The following TTLL11 variants were observed in gnomAD, a reference collection of about 807,000 sequenced individuals.
The protein encoded by TTLL11 is tubulin polyglutamylase TTLL11.
In TTLL11, 42 loss-of-function variants were observed where a neutral mutation model predicts 51.7. The ratio of observed to expected loss-of-function variants is 0.81; its 90% CI spans 0.64 to 1.05. The LOEUF is 1.05. Ranked by LOEUF, TTLL11 falls within the 50% of genes least tolerant of loss-of-function variation. The pLI is 0.00. For synonymous variants in TTLL11, 381 were observed against 383.5 expected (o/e 0.99, Z 0.08); for missense variants, 799 against 940.4 (o/e 0.85, Z 1.97).
chr9:121,826,184 C>CTATATATATA (rs1166211047), intron 8 of TTLL11, among the ~76,000 whole-genome samples: 1,856 of 50,848 alleles, frequency 0.037, 102 homozygotes, highest in Admixed American at 0.05. Flanking sequence ...AACCAGTAAC[C>CTATATATATA]TATATATATA....
rs2131709258 is a variant in TTLL11, at chr9:121,995,960, TGCAG to T, written c.694-6194_694-6191del. On this transcript the variant is annotated intron_variant, in intron 3 of 8. Transcript: ENST00000321582. This position sits in a 1 kb window ranked among gnomAD's most constrained non-coding sequence, Gnocchi z 4.4. Reference sequence around the variant, plus strand: ...CCGTGAGAAGTAGTGCCTGCCACTGTGCAGGCAAACATTTTCAGCACTCCCTGGC... The same window carrying T: ...CCGTGAGAAGTAGTGCCTGCCACTGTGCAAACATTTTCAGCACTCCCTGGC... 6.6e-6 allele frequency among the ~76,000 whole-genome samples: 1 copy of T among 152,324 alleles called. No individual in the cohort carries two copies. The highest frequency in any genetic ancestry group is 2.4e-5 in the African/African-American group (1 of 41,574).
rs192768419 is a variant in TTLL11 at position 121,939,491 on chromosome 9, T to C, written c.1481+34518A>G. Among the ~76,000 whole-genome samples, 387 of 152,110 alleles carry C rather than the reference T, an allele frequency of 2.5e-3. 1 individual carries two copies. The highest frequency in any genetic ancestry group is 6.8e-3 in the Middle Eastern group (2 of 294). ...GTCACTTTGTTGCCAAACATACCTA[T>C]GTAGTAAAAGTAAAAGAACATAGTG... On this transcript the variant is annotated intron_variant, in intron 6 of 8. Coordinates refer to ENST00000321582, the MANE Select transcript of TTLL11 (RefSeq NM_001139442.2).
chr9:121,925,221 T>C (rs1588128914), intron 6 of TTLL11, among the ~76,000 whole-genome samples: 1 of 152,202 alleles, frequency 6.6e-6, no homozygotes, highest in African/African-American at 2.4e-5. Flanking sequence ...GGATGTGTGC[T>C]TTTCTCCTAA....
intron 8 of TTLL11, among the ~76,000 whole-genome samples, chr9:121,842,572 C>T (rs147776133): frequency 2.0e-5 from 3 of 152,296 alleles, no homozygotes; most frequent in African/African-American, 7.2e-5. Flanking sequence ...CCCCCTTCTA[C>T]TTTTGAACAC....
intron 6 of TTLL11, among the ~76,000 whole-genome samples, chr9:121,904,946 C>G (rs1839889927): frequency 6.6e-6 from 1 of 152,168 alleles, no homozygotes; most frequent in Admixed American, 6.5e-5. Context: ...GCTCCTTTTG[C>G]CATTTTGGAC....
chr9:121,900,115 G>A (rs1839715680), intron 6 of TTLL11, among the ~76,000 whole-genome samples: 1 of 152,188 alleles, frequency 6.6e-6, no homozygotes, highest in Non-Finnish European at 1.5e-5. Context: ...CATCACACAA[G>A]GGTGTCTCCT....
chr9:121,990,875 G>A (rs1260168403), intron 3 of TTLL11, among the ~76,000 whole-genome samples: 3 of 152,106 alleles, frequency 2.0e-5, no homozygotes, highest in Non-Finnish European at 2.9e-5. Context: ...CCAGATAGTC[G>A]ATCTGGACCT....
At chr9:121,828,815 AGAGGCTGGGTGAGAT>A in intron 8 of TTLL11, among the ~76,000 whole-genome samples, 1 of 152,256 alleles carries the variant, frequency 6.6e-6, no homozygotes, top group Non-Finnish European at 1.5e-5. Context: ...AAAACCTTAC[AGAGGCTGGGTGAGAT>A]GGCTTAACCC....
At chr9:121,987,997 C>T (rs148100465) in intron 4 of TTLL11, among the ~76,000 whole-genome samples, 148 of 152,240 alleles carry the variant, frequency 9.7e-4, no homozygotes, top group Middle Eastern at 3.4e-3. Flanking sequence ...CTTCCCCCAA[C>T]AGCCTGGTCC....
At chr9:121,934,561 G>A (rs989133269) in intron 6 of TTLL11, among the ~76,000 whole-genome samples, 24 of 152,136 alleles carry the variant, frequency 1.6e-4, no homozygotes, top group South Asian at 1.2e-3. Context: ...TGTTTTCCTC[G>A]AAGTGAAAAG....
chr9:121,887,916 C>A lies in TTLL11; in HGVS notation c.1482-17168G>T, dbSNP rs1026940312. On this transcript the variant is annotated intron_variant, in intron 6 of 8. Transcript: ENST00000321582. ...GAACTGCCTGGGGGCCCCCAGGCAA[C>A]CCCAACACCCAGTGGGGGTCTGGAG... is the stretch of plus-strand genomic sequence containing the variant. Among the ~76,000 whole-genome samples, 7 of 152,248 alleles carry A rather than the reference C, an allele frequency of 4.6e-5. No homozygotes were observed. In the East Asian group the frequency reaches 1.4e-3, roughly 30 times the overall value.
chr9:121,968,799 T>A (rs1842480132), intron 6 of TTLL11, among the ~76,000 whole-genome samples: 1 of 151,718 alleles, frequency 6.6e-6, no homozygotes, highest in Non-Finnish European at 1.5e-5. Context: ...GACCTTGTGA[T>A]CTGCTGTTGA....
chr9:121,870,139 G>A (rs1457730052), intron 7 of TTLL11, among the ~76,000 whole-genome samples: 6 of 152,112 alleles, frequency 3.9e-5, no homozygotes, highest in East Asian at 1.9e-4. Flanking sequence ...CTTCACGAAC[G>A]CCAAACACAC....
At chr9:121,848,660 A>G (rs1837582483) in intron 8 of TTLL11, among the ~76,000 whole-genome samples, 1 of 152,224 alleles carries the variant, frequency 6.6e-6, no homozygotes, top group Admixed American at 6.5e-5. Flanking sequence ...CATTTACATT[A>G]GCACCAAAAT....
intron 1 of TTLL11, among the ~76,000 whole-genome samples, chr9:122,070,615 AT>A (rs1349524292): frequency 6.6e-6 from 1 of 152,140 alleles, no homozygotes; most frequent in African/African-American, 2.4e-5. Flanking sequence ...TGGACTCAAA[AT>A]GATCTTCCAG....
At chr9:121,992,229 G>A (rs1321894335) in intron 3 of TTLL11, among the ~76,000 whole-genome samples, 2 of 152,288 alleles carry the variant, frequency 1.3e-5, no homozygotes, top group Non-Finnish European at 2.9e-5. Context: ...TGTTCAGAAC[G>A]TGGTTCCCAT....
chr9:122,054,083 C>A (rs551610544), intron 1 of TTLL11, among the ~76,000 whole-genome samples: 26 of 150,732 alleles, frequency 1.7e-4, no homozygotes, highest in Non-Finnish European at 2.9e-4. Flanking sequence ...AAATATGATA[C>A]CCCGGGTAAG....
chr9:121,970,751 G>A (rs535817282), intron 6 of TTLL11, among the ~76,000 whole-genome samples: 1 of 152,320 alleles, frequency 6.6e-6, no homozygotes, highest in African/African-American at 2.4e-5. Flanking sequence ...ACTGTTGGTG[G>A]GAGTGTAAAT....
chr9:121,822,965 A>C lies in TTLL11; in HGVS notation c.1841-86T>G, dbSNP rs1252523508. On this transcript the variant is annotated intron_variant, in intron 8 of 8. Transcript: ENST00000321582. The surrounding 1 kb of genome is among the most constrained non-coding windows in gnomAD (Gnocchi z 5.8). ...GCCCACCTCCAGCCACAAGGATGTCAGCAAGAGCTAGCCCCGCTCCCCACC... is the reference window on the plus strand; with the variant it reads ...GCCCACCTCCAGCCACAAGGATGTCCGCAAGAGCTAGCCCCGCTCCCCACC... 7.2e-7 allele frequency: 1 copy of C among 1,392,396 alleles called. No individual in the cohort carries two copies. The highest frequency in any genetic ancestry group is 9.6e-7 in the Non-Finnish European group (1 of 1,042,476). The allele number at this position is 1,392,396 out of a possible 1,614,324, so 86.3% of individuals were successfully genotyped here. A position where few individuals can be genotyped will look rare whatever the true frequency, so the allele number is the denominator to read the frequency against.
Sources: gnomAD v4.1 joint callset for allele counts (sites outside exome capture counted in the v4.1 genomes callset) on GRCh38, gnomAD v4.1.1 for gene constraint, Gnocchi (gnomAD v3.1) non-coding constraint, MANE v1.5 for transcripts, NCBI Gene and HGNC (gene_info 2026-07-23, HGNC 2026-07-21) for gene names.